The following WWOX variants were observed in gnomAD, a reference collection of about 807,000 sequenced individuals.
WWOX encodes WW domain containing oxidoreductase.
Under a neutral mutation model 46.2 loss-of-function variants are expected in WWOX, and 69 were observed. The ratio of observed to expected loss-of-function variants is 1.49; its 90% CI spans 1.23 to 1.82. The LOEUF is 1.82. Ranked by LOEUF, WWOX falls within the 40% of genes most tolerant of loss-of-function variation. WWOX has a pLI of 0.00. For missense variants in WWOX, 919 were observed against 542.6 expected, an observed-to-expected ratio of 1.69 and a Z score of -6.89; for synonymous variants, 359 against 202.6, an observed-to-expected ratio of 1.77 and a Z score of -6.56.
At chr16:78,970,975 C>A (rs1474145480) in intron 8 of WWOX, among the ~76,000 whole-genome samples, 3 of 152,122 alleles carry the variant, frequency 2.0e-5, no homozygotes, top group African/African-American at 7.2e-5. Flanking sequence ...GTGGGAGAAA[C>A]AGCTGCCAGA....
At chr16:78,634,260 C>A (rs187106601) in intron 8 of WWOX, among the ~76,000 whole-genome samples, 4 of 152,174 alleles carry the variant, frequency 2.6e-5, no homozygotes, top group African/African-American at 9.7e-5. Flanking sequence ...AAGTGTATGA[C>A]AAGTATCTCA....
intron 8 of WWOX, among the ~76,000 whole-genome samples, chr16:79,071,971 C>CT (rs779219116): frequency 2.0e-5 from 3 of 152,252 alleles, no homozygotes; most frequent in Middle Eastern, 3.4e-3. Flanking sequence ...TTTACTCGTT[C>CT]TTTTTTGTAT....
chr16:79,139,142 T>G (rs2050039465), intron 8 of WWOX, among the ~76,000 whole-genome samples: 1 of 152,146 alleles, frequency 6.6e-6, no homozygotes, highest in South Asian at 2.1e-4. Flanking sequence ...TAATAGTAAC[T>G]CATAATAATA....
At chr16:78,192,045 A>G (rs1217914252) in intron 5 of WWOX, among the ~76,000 whole-genome samples, 4 of 152,204 alleles carry the variant, frequency 2.6e-5, no homozygotes, top group Admixed American at 6.5e-5. Flanking sequence ...CTGTGTTTCT[A>G]TTTCTTTGTT....
intron 8 of WWOX, among the ~76,000 whole-genome samples, chr16:78,461,969 C>G (rs1248947963): frequency 6.6e-6 from 1 of 152,238 alleles, no homozygotes; most frequent in African/African-American, 2.4e-5. Flanking sequence ...TGGAAGGACC[C>G]TCAACAGACC....
intron 8 of WWOX, among the ~76,000 whole-genome samples, chr16:78,541,247 G>T (rs1476604840): frequency 5.9e-5 from 9 of 151,578 alleles, no homozygotes; most frequent in Non-Finnish European, 1.2e-4. Context: ...GGCCGAGGCG[G>T]GCGGATCACG....
At chr16:79,098,638 T>C (rs1389094263) in intron 8 of WWOX, among the ~76,000 whole-genome samples, 1 of 152,222 alleles carries the variant, frequency 6.6e-6, no homozygotes, top group South Asian at 2.1e-4. Context: ...AATGGTTTCA[T>C]AGTGAATTTT....
Position 78,948,911 on chromosome 16 carries a change from G to A in WWOX, c.1057-262697G>A, listed in dbSNP as rs7185273. ...GAAGGGGAAGGTGGACAAGAGAATC[G>A]GAGAGATGTGGCAGAGGGTAGGCAG... is the stretch of plus-strand genomic sequence containing the variant. On this transcript the variant is annotated intron_variant, in intron 8 of 8. Transcript: ENST00000566780. Among the ~76,000 whole-genome samples, 1,166 of 152,240 alleles carry A rather than the reference G, an allele frequency of 7.7e-3. 13 individuals are homozygous for A. The highest frequency in any genetic ancestry group is 0.026 in the African/African-American group (1,078 of 41,538).
At position 78,498,129 on chromosome 16, in the gene WWOX, T is replaced by G. The variant is rs12449062; in HGVS notation, c.1056+65377T>G. 2.6e-3 allele frequency among the ~76,000 whole-genome samples: 382 copies of G among 148,572 alleles called. 1 individual carries two copies. The highest frequency in any genetic ancestry group is 9.1e-3 in the African/African-American group (367 of 40,458). ...CTGAGGCAGGAGAATGGCATGAACA[T>G]GGGAGGTGGAGCTTGCAGTGAGCCG... On this transcript the variant is annotated intron_variant, in intron 8 of 8. Transcript: ENST00000566780.
At chr16:79,179,893 T>A (rs1473290216) in intron 8 of WWOX, among the ~76,000 whole-genome samples, 1 of 152,216 alleles carries the variant, frequency 6.6e-6, no homozygotes, top group Admixed American at 6.5e-5. Context: ...TTGATTTAGG[T>A]TGGAATTACA....
At position 78,706,042 on chromosome 16, in the gene WWOX, G is replaced by C. The variant is rs1444054334; in HGVS notation, c.1056+273290G>C. ...TCTAATGACACATACTTTGTCTCCAGTCAGAGTTATGGCAGGTTTTTTTTT... is the reference window on the plus strand; with the variant it reads ...TCTAATGACACATACTTTGTCTCCACTCAGAGTTATGGCAGGTTTTTTTTT... On this transcript the variant is annotated intron_variant, in intron 8 of 8. Transcript: ENST00000566780. 2.9e-5 allele frequency among the ~76,000 whole-genome samples: 4 copies of C among 137,576 alleles called. 1 individual carries two copies. In the Admixed American group the frequency reaches 3.0e-4, roughly 10 times the overall value. 90.3% of individuals were successfully genotyped at this position (137,576 alleles called of 152,430 possible). A position where few individuals can be genotyped will look rare whatever the true frequency, so the allele number is the denominator to read the frequency against.
chr16:78,907,229 G>C lies in WWOX; in HGVS notation c.1057-304379G>C, dbSNP rs543237172. Among the ~76,000 whole-genome samples, 10 of 152,268 alleles carry C rather than the reference G, an allele frequency of 6.6e-5. No homozygotes were observed. The South Asian group carries it at 2.1e-3, about 32-fold the overall frequency. On this transcript the variant is annotated intron_variant, in intron 8 of 8. Coordinates refer to ENST00000566780, the MANE Select transcript of WWOX (RefSeq NM_016373.4). ...ACCCTTGTGCCCTGAATCCGCTTCT[G>C]GGTGGGGGGCAGGGCACAGGACCAG...
intron 8 of WWOX, among the ~76,000 whole-genome samples, chr16:78,820,789 G>A (rs773001317): frequency 6.6e-6 from 1 of 152,152 alleles, no homozygotes; most frequent in Non-Finnish European, 1.5e-5. Context: ...CGTTTGTGGG[G>A]TTCGTTCCTT....
At chr16:78,593,207 A>T (rs2045392302) in intron 8 of WWOX, among the ~76,000 whole-genome samples, 1 of 150,136 alleles carries the variant, frequency 6.7e-6, no homozygotes, top group Admixed American at 6.6e-5. Context: ...CTTGATCCTG[A>T]TTTTTTTTTT....
chr16:78,845,241 T>C lies in WWOX; in HGVS notation c.1057-366367T>C, dbSNP rs147210138. Among the ~76,000 whole-genome samples the C allele has an allele frequency of 4.5e-4, 69 of 152,028 alleles. No individual in the cohort carries two copies. The East Asian group carries it at 0.013, about 28-fold the overall frequency. ...AAAAATACTGCCTATTAGTCTGCTATTGTGGCTCAAAATGAAACTTAAGAC... is the reference window on the plus strand; with the variant it reads ...AAAAATACTGCCTATTAGTCTGCTACTGTGGCTCAAAATGAAACTTAAGAC... On this transcript the variant is annotated intron_variant, in intron 8 of 8. Transcript: ENST00000566780.
chr16:79,033,454 A>G (rs2047805421), intron 8 of WWOX, among the ~76,000 whole-genome samples: 1 of 150,464 alleles, frequency 6.6e-6, no homozygotes, highest in Admixed American at 6.6e-5. Context: ...TTCTTTATCC[A>G]GAATAAACTA....
At position 78,316,879 on chromosome 16, in the gene WWOX, C is replaced by T. The variant is rs1056789222; in HGVS notation, c.517-69981C>T. On this transcript the variant is annotated intron_variant, in intron 5 of 8. Coordinates refer to ENST00000566780, the MANE Select transcript of WWOX (RefSeq NM_016373.4). ...TACCAACCCTGCACCCTGGGACATG[C>T]CTCCTTGCTGAAACTACCATTTATC... Among the ~76,000 whole-genome samples, 9 of 152,316 alleles carry T rather than the reference C, an allele frequency of 5.9e-5. No individual in the cohort carries two copies. The South Asian group carries it at 1.0e-3, about 18-fold the overall frequency.
intron 8 of WWOX, among the ~76,000 whole-genome samples, chr16:78,737,233 G>A (rs1017679684): frequency 4.6e-5 from 7 of 151,718 alleles, no homozygotes; most frequent in Admixed American, 1.3e-4. Flanking sequence ...CTGAGTAGCT[G>A]GAATTACAAG....
chr16:78,932,197 G>A (rs1284659011), intron 8 of WWOX, among the ~76,000 whole-genome samples: 1 of 152,204 alleles, frequency 6.6e-6, no homozygotes, highest in Admixed American at 6.5e-5. Context: ...CTTCGAACAT[G>A]GAGGGGTAGC....
Sources: gnomAD v4.1 joint callset for allele counts (sites outside exome capture counted in the v4.1 genomes callset) on GRCh38, gnomAD v4.1.1 for gene constraint, MANE v1.5 for transcripts, NCBI Gene and HGNC (gene_info 2026-07-23, HGNC 2026-07-21) for gene names.